The following FCRL3 variants were observed in gnomAD, a reference collection of about 807,000 sequenced individuals.
FCRL3 encodes the protein Fc receptor-like protein 3.
FCRL3 carries 89 observed loss-of-function variants against 75.0 expected under a neutral mutation model. The observed-to-expected ratio is 1.19, with a 90% CI of 1.00 to 1.42. FCRL3 has a LOEUF of 1.42. Among genes scored for constraint, FCRL3 ranks in the 40% most tolerant of loss-of-function variants. The pLI is 0.00. For synonymous variants in FCRL3, 376 were observed against 348.5 expected (o/e 1.08, Z -0.88); for missense variants, 946 against 880.0 (o/e 1.07, Z -0.95).
In FCRL3 at chr1:157,680,687, T is replaced by C. The variant is rs1654779345; in HGVS notation, c.2026+15A>G. ...CACTGCCACCTCACCTCTATTTGCC[T>C]GAAAGGCATCTTACCTGAGTTTTCT... On this transcript the variant is annotated intron_variant, in intron 13 of 14. Transcript: ENST00000368184. 1.2e-6 allele frequency: 2 copies of C among 1,612,550 alleles called. No homozygotes were observed. Among genetic ancestry groups the C allele is most frequent in the Non-Finnish European group, 1.7e-6 (2 of 1,178,804 alleles).
rs1003249954 is a variant in FCRL3, at chr1:157,677,949, TG to T, written c.*760del. 2 of 984,926 alleles carry T rather than the reference TG, an allele frequency of 2.0e-6. No homozygotes were observed. Among genetic ancestry groups the T allele is most frequent in the Non-Finnish European group, 2.4e-6 (2 of 829,642 alleles). 61.0% of individuals were successfully genotyped at this position (984,926 alleles called of 1,614,324 possible). On this transcript the variant is annotated 3_prime_UTR_variant, in exon 15 of 15. Coordinates refer to ENST00000368184, the MANE Select transcript of FCRL3 (RefSeq NM_052939.4). ...TAGTAGGTTATTGTCTCGGGGTTAA[TG>T]GGTGCTTATAAGAATAAAACTGACT...
chr1:157,695,774 G>T, intron 7 of FCRL3, 167 bp from the exon 8 acceptor site: 1 of 936,648 alleles, frequency 1.1e-6, no homozygotes, highest in Non-Finnish European at 1.6e-6. Flanking sequence ...CCAAAACAGT[G>T]AGAGGTAATC....
rs1237835560 is a variant in FCRL3, at chr1:157,676,917, C to T, written c.*1793G>A. 2 of 1,430,326 alleles carry T rather than the reference C, an allele frequency of 1.4e-6. No homozygotes were observed. Among genetic ancestry groups the T allele is most frequent in the Admixed American group, 5.6e-5 (2 of 36,032 alleles). 88.6% of individuals were successfully genotyped at this position (1,430,326 alleles called of 1,614,324 possible). A position where few individuals can be genotyped will look rare whatever the true frequency, so the allele number is the denominator to read the frequency against. On this transcript the variant is annotated 3_prime_UTR_variant, in exon 15 of 15. Transcript: ENST00000368184. ...CCATATACAGCCTGGTGGTTGGTAC[C>T]CAAAACCGGTTTACATATTTTCACC...
chr1:157,685,730 A>T (rs1176148212), intron 10 of FCRL3, among the ~76,000 whole-genome samples: 5 of 152,146 alleles, frequency 3.3e-5, no homozygotes, highest in South Asian at 2.1e-4. Context: ...AAATTTTTTT[A>T]AAAAATCATA....
In FCRL3 at chr1:157,690,314, CAT is replaced by C. The variant is rs1477044345; in HGVS notation, c.1629_1630del (p.Cys544Ter). ...GGCCCCCAGGCCATTGTCAGCCTCA[CAT>C]GAGTAGTTTCCAGAATGTTCTGTAG... On this transcript the variant is annotated frameshift_variant, in exon 9 of 15. Transcript: ENST00000368184. LOFTEE classifies it high-confidence loss of function. 1.9e-6 allele frequency: 3 copies of C among 1,614,250 alleles called. No homozygotes were observed. Among genetic ancestry groups the C allele is most frequent in the Non-Finnish European group, 8.5e-7 (1 of 1,180,044 alleles).
intron 13 of FCRL3, among the ~76,000 whole-genome samples, chr1:157,679,827 T>C (rs1280472566): frequency 1.0e-4 from 1 of 9,938 alleles, no homozygotes; most frequent in African/African-American, 7.8e-4. Flanking sequence ...AGACCCCATC[T>C]CACAAAAAAA....
At chr1:157,683,286 G>A in intron 10 of FCRL3, 42 bp from the exon 11 acceptor site, 3 of 1,606,020 alleles carry the variant, frequency 1.9e-6, no homozygotes, top group Non-Finnish European at 2.5e-6. Context: ...AGTGAGCTGT[G>A]TAAATAATGA....
chr1:157,683,513 A>T (rs1654978572), intron 10 of FCRL3, among the ~76,000 whole-genome samples: 1 of 152,188 alleles, frequency 6.6e-6, no homozygotes, highest in South Asian at 2.1e-4. Flanking sequence ...AGTAGTTGTG[A>T]CTGAGTAGGT....
At chr1:157,692,886 T>C (rs1655641432) in intron 8 of FCRL3, among the ~76,000 whole-genome samples, 1 of 152,092 alleles carries the variant, frequency 6.6e-6, no homozygotes, top group Non-Finnish European at 1.5e-5. Flanking sequence ...TACCAGAAAA[T>C]GTAAGTATGT....
chr1:157,677,385 GT>G lies in FCRL3; in HGVS notation c.*1324del, dbSNP rs1472957897. 2 of 985,726 alleles carry G rather than the reference GT, an allele frequency of 2.0e-6. No individual in the cohort carries two copies. Among genetic ancestry groups the G allele is most frequent in the African/African-American group, 3.5e-5 (2 of 57,226 alleles). 61.1% of individuals were successfully genotyped at this position (985,726 alleles called of 1,614,324 possible). A position where few individuals can be genotyped will look rare whatever the true frequency, so the allele number is the denominator to read the frequency against. On this transcript the variant is annotated 3_prime_UTR_variant, in exon 15 of 15. Transcript: ENST00000368184. ...GATGTGGTGCTTTGAAAGGGACTTG[GT>G]GTTCCTACATGAACCAAGTGAAGGC...
At chr1:157,689,496 G>A (rs945221732) in intron 10 of FCRL3, among the ~76,000 whole-genome samples, 3 of 151,714 alleles carry the variant, frequency 2.0e-5, no homozygotes, top group Non-Finnish European at 4.4e-5. Context: ...TTTATTTTTT[G>A]TTACAAATGA....
intron 3 of FCRL3, among the ~76,000 whole-genome samples, chr1:157,699,161 A>G (rs1212504717): frequency 6.6e-6 from 1 of 152,222 alleles, no homozygotes; most frequent in Non-Finnish European, 1.5e-5. Context: ...ACAGTAAACA[A>G]TGGAGGGATA....
chr1:157,698,600 TGAG>T lies in FCRL3; in HGVS notation c.79_81del (p.Leu27del). On this transcript the variant is annotated inframe_deletion, in exon 4 of 15. Coordinates refer to ENST00000368184, the MANE Select transcript of FCRL3 (RefSeq NM_052939.4). ...TTGAAGGCTGTGGACCATGGAGGAT[TGAG>T]GAGAAGTACAGCTTTTGGGGCCACC... 2.5e-6 allele frequency: 4 copies of T among 1,613,710 alleles called. No individual in the cohort carries two copies. The highest frequency in any genetic ancestry group is 2.5e-6 in the Non-Finnish European group (3 of 1,179,766).
rs753319819 is a variant in FCRL3 at position 157,676,770 on chromosome 1, T to C, written c.*1940A>G. Reference sequence around the variant, plus strand: ...TTTGTTCTTTCTTGGGTTCAGAATCTAGAAAATGGATAAACAATGATAAGA... The same window carrying C: ...TTTGTTCTTTCTTGGGTTCAGAATCCAGAAAATGGATAAACAATGATAAGA... On this transcript the variant is annotated 3_prime_UTR_variant, in exon 15 of 15. Transcript: ENST00000368184. 12 of 1,550,164 alleles carry C rather than the reference T, an allele frequency of 7.7e-6. No individual in the cohort carries two copies. Among genetic ancestry groups the C allele is most frequent in the Admixed American group, 2.0e-5 (1 of 50,974 alleles).
chr1:157,695,201 C>T, intron 8 of FCRL3, 128 bp downstream of exon 8: 1 of 949,442 alleles, frequency 1.1e-6, no homozygotes, highest in Non-Finnish European at 1.6e-6. Flanking sequence ...CCCAGAACTC[C>T]CAGGTGGAGT....
At chr1:157,697,603 C>A (rs899191109) in intron 5 of FCRL3, 56 bp downstream of exon 5, 1 of 1,557,020 alleles carries the variant, frequency 6.4e-7, no homozygotes, top group Non-Finnish European at 8.7e-7. Context: ...AAACATCTTC[C>A]CTTTATCCCC....
At chr1:157,698,309 G>A (rs1385460128) in intron 4 of FCRL3, 75 bp downstream of exon 4, 2 of 1,562,812 alleles carry the variant, frequency 1.3e-6, no homozygotes, top group Admixed American at 3.4e-5. Flanking sequence ...CTCTGCCTAG[G>A]ATCCCTGCAT....
intron 11 of FCRL3, among the ~76,000 whole-genome samples, chr1:157,682,359 G>C (rs1358917691): frequency 6.6e-6 from 1 of 152,122 alleles, no homozygotes; most frequent in African/African-American, 2.4e-5. Flanking sequence ...TTTTCTTCTA[G>C]GGTTTTTATG....
intron 10 of FCRL3, among the ~76,000 whole-genome samples, chr1:157,687,314 G>A (rs1655232230): frequency 6.7e-6 from 1 of 148,800 alleles, no homozygotes; most frequent in Admixed American, 6.9e-5. Context: ...GAGGAGAAAA[G>A]GGAATGCTTA....
Sources: gnomAD v4.1 joint callset for allele counts (sites outside exome capture counted in the v4.1 genomes callset) on GRCh38, gnomAD v4.1.1 for gene constraint, MANE v1.5 for transcripts, NCBI Gene and HGNC (gene_info 2026-07-23, HGNC 2026-07-21) for gene names.